Variants in MFN1 observed in about 807,000 individuals in gnomAD.
MFN1 encodes the protein mitofusin 1.
MFN1 carries 65 observed loss-of-function variants against 92.4 expected under a neutral mutation model. The ratio of observed to expected loss-of-function variants is 0.70; its 90% CI spans 0.58 to 0.86. The LOEUF is 0.86. Ranked by LOEUF, MFN1 falls within the 40% of genes least tolerant of loss-of-function variation. The probability of loss-of-function intolerance (pLI) is 0.00; values close to 1 mark genes in which losing one functional copy is unlikely to be tolerated. For synonymous variants in MFN1, 297 were observed against 300.9 expected, an observed-to-expected ratio of 0.99 and a Z score of 0.13; for missense variants, 781 against 868.0, an observed-to-expected ratio of 0.90 and a Z score of 1.26.
intron 13 of MFN1, 40 bp from the exon 14 acceptor site, chr3:179,378,545 A>G (rs762779147): frequency 6.4e-7 from 1 of 1,558,406 alleles, no homozygotes; most frequent in Admixed American, 1.8e-5. Flanking sequence ...TAAAACATTT[A>G]CCATTCTTAT....
At position 179,358,927 on chromosome 3, in the gene MFN1, C is replaced by T. The variant is rs1290224105; in HGVS notation, c.336C>T (p.Phe112=). 2 of 1,613,784 alleles carry T rather than the reference C, an allele frequency of 1.2e-6. No individual in the cohort carries two copies. Among genetic ancestry groups the T allele is most frequent in the African/African-American group, 2.7e-5 (2 of 74,842 alleles). The change falls in exon 4 of 18, where the codon TTC becomes TTT. Residue 112 remains phenylalanine, a synonymous_variant. Transcript: ENST00000471841. ...PSGIGHITNC[F]LSVEGTDGDK... is the part of the protein sequence containing the mutation. ...GGATTGGCCATATAACCAATTGCTT[C>T]CTAAGTGTTGAAGGAACTGATGGAG...
At position 179,367,432 on chromosome 3, in the gene MFN1, T is replaced by G. The variant is rs752261668; in HGVS notation, c.754-7T>G. On this transcript the variant is annotated splice_polypyrimidine_tract_variant and splice_region_variant and intron_variant, in intron 7 of 17. Coordinates refer to ENST00000471841, the MANE Select transcript of MFN1 (RefSeq NM_033540.3). Reference sequence around the variant, plus strand: ...TTAGAATTCTTTTAATACCGTTTTCTCTGTAGGTACGCAGACAGCACATGG... The same window carrying G: ...TTAGAATTCTTTTAATACCGTTTTCGCTGTAGGTACGCAGACAGCACATGG... 2.5e-6 allele frequency: 4 copies of G among 1,598,170 alleles called. No individual in the cohort carries two copies. Among genetic ancestry groups the G allele is most frequent in the Non-Finnish European group, 3.4e-6 (4 of 1,175,166 alleles).
intron 9 of MFN1, among the ~76,000 whole-genome samples, chr3:179,371,752 T>C (rs905768866): frequency 6.6e-6 from 1 of 152,098 alleles, no homozygotes; most frequent in Non-Finnish European, 1.5e-5. Context: ...TTTTTTGTAA[T>C]GGACATTCCT....
At chr3:179,384,311 G>GT (rs1713586420) in intron 14 of MFN1, among the ~76,000 whole-genome samples, 1 of 152,094 alleles carries the variant, frequency 6.6e-6, no homozygotes, top group Non-Finnish European at 1.5e-5. Flanking sequence ...GTGGACGTGC[G>GT]TTTTCATTTC....
intron 4 of MFN1, among the ~76,000 whole-genome samples, chr3:179,361,228 T>A (rs1712562739): frequency 6.6e-6 from 1 of 152,162 alleles, no homozygotes; most frequent in Non-Finnish European, 1.5e-5. Flanking sequence ...GACTTCAGAG[T>A]CTCAAAGTAT....
intron 3 of MFN1, among the ~76,000 whole-genome samples, chr3:179,356,178 A>T (rs930663666): frequency 2.6e-5 from 4 of 152,220 alleles, no homozygotes; most frequent in African/African-American, 9.6e-5. Flanking sequence ...ATAACCTCAG[A>T]GGGTGACCAG....
At position 179,377,074 on chromosome 3, in the gene MFN1, T is replaced by C. The variant is rs1416922301; in HGVS notation, c.1130T>C (p.Ile377Thr). Residue 377 changes from isoleucine to threonine, a missense_variant, in exon 11 of 18, where the codon ATT becomes ACT. By Grantham distance (89) the Ile-to-Thr change is moderately conservative (BLOSUM62 -1). Coordinates refer to ENST00000471841, the MANE Select transcript of MFN1 (RefSeq NM_033540.3). ...HYSVEEREDQ[I>T]DRLDFIRNQM... ...TCAGTGGAAGAGAGGGAAGACCAAA[T>C]TGATAGACTGGACTTTATTCGAAAC... 2 of 1,613,680 alleles carry C rather than the reference T, an allele frequency of 1.2e-6. No individual in the cohort carries two copies. Among genetic ancestry groups the C allele is most frequent in the African/African-American group, 2.7e-5 (2 of 74,894 alleles).
intron 5 of MFN1, among the ~76,000 whole-genome samples, chr3:179,363,335 C>G (rs1712656914): frequency 6.6e-6 from 1 of 152,208 alleles, no homozygotes; most frequent in African/African-American, 2.4e-5. Context: ...ATCCCCCCAT[C>G]TCAGCCTCCC....
chr3:179,380,278 A>G lies in MFN1; in HGVS notation c.1662+1464A>G, dbSNP rs548552541. On this transcript the variant is annotated intron_variant, in intron 14 of 17. Transcript: ENST00000471841. Reference sequence around the variant, plus strand: ...CACTGTTTTGCCATTATTGACCCAGAAAGACACTGACTACAGCTGAGGAGA... The same window carrying G: ...CACTGTTTTGCCATTATTGACCCAGGAAGACACTGACTACAGCTGAGGAGA... Among the ~76,000 whole-genome samples, 12 of 152,348 alleles carry G rather than the reference A, an allele frequency of 7.9e-5. No homozygotes were observed. The South Asian group carries it at 2.5e-3, about 32-fold the overall frequency.
intron 14 of MFN1, 117 bp from the exon 15 acceptor site, chr3:179,385,452 C>A: frequency 1.2e-6 from 1 of 811,590 alleles, no homozygotes; most frequent in Non-Finnish European, 1.9e-6. Context: ...GTGGTGTACT[C>A]ATCATTTAGG....
At chr3:179,389,195 T>C (rs922021030) in intron 16 of MFN1, among the ~76,000 whole-genome samples, 2 of 152,242 alleles carry the variant, frequency 1.3e-5, no homozygotes, top group Admixed American at 1.3e-4. Context: ...TTTTATCTGA[T>C]AGTTTTAATT....
In MFN1 at chr3:179,390,039, A is replaced by G. The variant is rs1713842537; in HGVS notation, c.2048A>G (p.Gln683Arg). ...ACCACTTTTGCTCGCCTGTGCCAAC[A>G]AGTTGATATTACTCAAAAACAGCTG... ...IATTFARLCQ[Q>R]VDITQKQLEE... Residue 683 changes from glutamine (Q) to arginine (R), a missense_variant, in exon 17 of 18, where the codon CAA (glutamine) becomes CGA (arginine). By Grantham distance (43) the Gln-to-Arg change is conservative. Transcript: ENST00000471841. 1 of 1,604,520 alleles carries G rather than the reference A, an allele frequency of 6.2e-7. No homozygotes were observed. Among genetic ancestry groups the G allele is most frequent in the Non-Finnish European group, 8.5e-7 (1 of 1,177,508 alleles).
Position 179,378,804 on chromosome 3 carries a change from C to G in MFN1, c.1652C>G (p.Pro551Arg). 6.2e-7 allele frequency: 1 copy of G among 1,610,074 alleles called. No homozygotes were observed. Among genetic ancestry groups the G allele is most frequent in the Non-Finnish European group, 8.5e-7 (1 of 1,176,610 alleles). ...AGGGTGCTCCTAGGATTATCAGAGC[C>G]TATCTTTCAGGTATGTATCTTTGAA... Reference protein sequence around the residue: ...AQRVLLGLSEPIFQLPRSLAS... With the variant: ...AQRVLLGLSERIFQLPRSLAS... Residue 551 changes from proline (P) to arginine (R), a missense_variant, in exon 14 of 18, where the codon CCT (proline) becomes CGT (arginine). Transcript: ENST00000471841.
chr3:179,372,523 C>G (rs1022189193), intron 9 of MFN1, among the ~76,000 whole-genome samples: 15 of 152,162 alleles, frequency 9.9e-5, no homozygotes, highest in African/African-American at 3.1e-4. Flanking sequence ...TTAACACTTC[C>G]CATACTTATT....
chr3:179,390,579 C>G (rs973843630), intron 17 of MFN1, among the ~76,000 whole-genome samples: 8 of 152,096 alleles, frequency 5.3e-5, no homozygotes, highest in African/African-American at 1.7e-4. Flanking sequence ...ATGTGGATTT[C>G]TGGTTTGATA....
At chr3:179,367,117 G>A (rs896095445) in intron 7 of MFN1, among the ~76,000 whole-genome samples, 6 of 152,168 alleles carry the variant, frequency 3.9e-5, no homozygotes, top group Admixed American at 1.3e-4. Context: ...TAATAAAGAC[G>A]AGGTTTCACC....
rs1475164712 is a variant in MFN1 at position 179,394,375 on chromosome 3, TTGGAAA to T, written c.*2322_*2327del. 6.6e-6 allele frequency: 1 copy of T among 151,836 alleles called. No individual in the cohort carries two copies. Among genetic ancestry groups the T allele is most frequent in the Non-Finnish European group, 1.5e-5 (1 of 68,034 alleles). 9.4% of individuals were successfully genotyped at this position (151,836 alleles called of 1,614,324 possible). ...ATCAATTGTGAAAACATAATGAATG[TTGGAAA>T]TGGAACAGTAAAATAACGAAAGCCA... On this transcript the variant is annotated 3_prime_UTR_variant, in exon 18 of 18. Coordinates refer to ENST00000471841, the MANE Select transcript of MFN1 (RefSeq NM_033540.3).
At chr3:179,359,726 C>G (rs1239886932) in intron 4 of MFN1, 3 of 151,442 alleles carry the variant, frequency 2.0e-5, no homozygotes, top group Non-Finnish European at 4.4e-5. Flanking sequence ...AGGCATGCGC[C>G]ACCACACCCG....
intron 4 of MFN1, among the ~76,000 whole-genome samples, chr3:179,360,233 AGTGTATCATTGCTGTTTAATC>A (rs1177943191): frequency 5.2e-4 from 79 of 152,240 alleles, no homozygotes; most frequent in African/African-American, 1.4e-3. Context: ...ACATTATTGA[AGTGTATCATTGCTGTTTAATC>A]GTGTATCATT....
Sources: gnomAD v4.1 joint callset for allele counts (sites outside exome capture counted in the v4.1 genomes callset) on GRCh38, gnomAD v4.1.1 for gene constraint, MANE v1.5 for transcripts, NCBI Gene and HGNC (gene_info 2026-07-23, HGNC 2026-07-21) for gene names.